Variants in TGM6 observed in about 807,000 individuals in gnomAD.
TGM6 encodes the protein transglutaminase 6.
TGM6 carries 74 observed loss-of-function variants against 77.5 expected under a neutral mutation model. The observed-to-expected ratio is 0.96, with a 90% CI of 0.79 to 1.16. The LOEUF is 1.16. TGM6 is among the 50% of genes most tolerant of loss of function. TGM6 has a pLI of 0.00. For synonymous variants in TGM6, 383 were observed against 378.9 expected, an observed-to-expected ratio of 1.01 and a Z score of -0.12; for missense variants, 968 against 940.2, an observed-to-expected ratio of 1.03 and a Z score of -0.39.
chr20:2,426,887 ATTG>A (rs1234315739), intron 10 of TGM6, among the ~76,000 whole-genome samples: 3 of 152,238 alleles, frequency 2.0e-5, no homozygotes, highest in African/African-American at 7.2e-5. Flanking sequence ...TTTTTTATAC[ATTG>A]TTAATTCAAT....
intron 7 of TGM6, among the ~76,000 whole-genome samples, chr20:2,402,021 T>G (rs914145542): frequency 4.6e-5 from 7 of 151,996 alleles, no homozygotes; most frequent in African/African-American, 1.7e-4. Flanking sequence ...GCAAATCACT[T>G]GAGGTCAGGA....
intron 3 of TGM6, 64 bp from the exon 4 acceptor site, chr20:2,396,442 C>T: frequency 6.6e-7 from 1 of 1,525,064 alleles, no homozygotes; most frequent in Non-Finnish European, 9.1e-7. Flanking sequence ...CCTGATGCAG[C>T]CCCTTCCCCA....
intron 10 of TGM6, among the ~76,000 whole-genome samples, chr20:2,428,921 T>G (rs921063719): frequency 9.2e-5 from 14 of 152,116 alleles, no homozygotes; most frequent in African/African-American, 3.4e-4. Flanking sequence ...CCTGCTAGGT[T>G]CAAGTAATTC....
chr20:2,417,765 A>G lies in TGM6; in HGVS notation c.1678+192A>G, dbSNP rs6132624. 0.18 allele frequency among the ~76,000 whole-genome samples: 27,810 copies of G among 152,054 alleles called. 2,629 individuals are homozygous for G. The highest frequency in any genetic ancestry group is 0.25 in the East Asian group (1,264 of 5,156). ...GAAAACTGAGACTCGGAGGGGCAAA[A>G]CACTAATAACAGTAATGCAAGTCCA... On this transcript the variant is annotated intron_variant, in intron 10 of 12. Transcript: ENST00000202625.
At chr20:2,408,875 G>A (rs574664980) in intron 9 of TGM6, among the ~76,000 whole-genome samples, 1 of 152,126 alleles carries the variant, frequency 6.6e-6, no homozygotes, top group African/African-American at 2.4e-5. Flanking sequence ...AAAATAACTA[G>A]TATTTCAGAT....
In TGM6 at chr20:2,395,316, G is replaced by A. The variant is rs150088385; in HGVS notation, c.304G>A (p.Ala102Thr). The A allele has an allele frequency of 4.2e-5, 67 of 1,614,218 alleles. No homozygotes were observed. The African/African-American group carries it at 7.1e-4, about 17-fold the overall frequency. ...QMEKTLTVSL[A>T]SPPSAVIGRY... is the part of the protein sequence containing the mutation. The stretch of plus-strand genomic sequence containing the variant: ...GGAGAAAACTCTGACCGTCAGTCTC[G>A]CCAGCCCTCCCAGTGCTGTCATTGG... The change falls in exon 3 of 13, where the codon GCC becomes ACC. Residue 102 changes from alanine (A) to threonine (T), a missense_variant. Ala to Thr is a moderately conservative substitution (Grantham distance 58, BLOSUM62 0). Transcript: ENST00000202625.
chr20:2,398,556 T>C (rs1224362140), intron 5 of TGM6, among the ~76,000 whole-genome samples: 1 of 152,104 alleles, frequency 6.6e-6, no homozygotes, highest in Non-Finnish European at 1.5e-5. Flanking sequence ...TGCATAGCAA[T>C]GGCTCCCCAC....
chr20:2,421,771 T>C (rs2084857741), intron 10 of TGM6, among the ~76,000 whole-genome samples: 1 of 152,208 alleles, frequency 6.6e-6, no homozygotes, highest in Non-Finnish European at 1.5e-5. Flanking sequence ...GTGCAGAGTT[T>C]TTAGTTTTAA....
intron 1 of TGM6, among the ~76,000 whole-genome samples, chr20:2,381,429 A>T (rs1298526678): frequency 6.6e-6 from 1 of 152,208 alleles, no homozygotes; most frequent in Non-Finnish European, 1.5e-5. Flanking sequence ...TGAGGGCAAG[A>T]GCAGCTCTGG....
At chr20:2,393,763 G>A (rs1206737609) in intron 1 of TGM6, among the ~76,000 whole-genome samples, 4 of 152,028 alleles carry the variant, frequency 2.6e-5, no homozygotes, top group Non-Finnish European at 5.9e-5. Flanking sequence ...CTGAGCTTAG[G>A]CAATCCGCCC....
chr20:2,402,758 T>C (rs1439028704), intron 7 of TGM6, among the ~76,000 whole-genome samples: 1 of 152,170 alleles, frequency 6.6e-6, no homozygotes, highest in African/African-American at 2.4e-5. Context: ...GAATTAAAAA[T>C]AAGGCTGGAA....
At position 2,398,042 on chromosome 20, in the gene TGM6, C is replaced by A. The variant is rs1245751910; in HGVS notation, c.668C>A (p.Ala223Asp). The change falls in exon 5 of 13, where the codon GCC becomes GAC. Residue 223 changes from alanine (A) to aspartate (D), a missense_variant. Coordinates refer to ENST00000202625, the MANE Select transcript of TGM6 (RefSeq NM_198994.3). The part of the protein sequence containing the change: ...NPIYVTRVIS[A>D]MVNSNNDRGV... ...ATCTACGTCACCAGGGTCATCAGTGCCATGGTGAGAAGCCCCTCCATCCCT... is the reference window on the plus strand; with the variant it reads ...ATCTACGTCACCAGGGTCATCAGTGACATGGTGAGAAGCCCCTCCATCCCT... 2 of 1,614,112 alleles carry A rather than the reference C, an allele frequency of 1.2e-6. No individual in the cohort carries two copies. Among genetic ancestry groups the A allele is most frequent in the Non-Finnish European group, 1.7e-6 (2 of 1,180,012 alleles).
chr20:2,402,500 C>G (rs139052305), intron 7 of TGM6, among the ~76,000 whole-genome samples: 1 of 152,188 alleles, frequency 6.6e-6, no homozygotes, highest in Non-Finnish European at 1.5e-5. Context: ...AGCACAGACA[C>G]TTCATTTTGA....
At chr20:2,384,023 C>T (rs1376308887) in intron 1 of TGM6, among the ~76,000 whole-genome samples, 2 of 149,318 alleles carry the variant, frequency 1.3e-5, no homozygotes, top group Non-Finnish European at 3.0e-5. Flanking sequence ...AGGAGAATGG[C>T]ATGAACCCGG....
chr20:2,388,391 T>C lies in TGM6; in HGVS notation c.8-6061T>C, dbSNP rs570492300. 1.7e-3 allele frequency among the ~76,000 whole-genome samples: 257 copies of C among 152,242 alleles called. 1 individual carries two copies. Among genetic ancestry groups the C allele is most frequent in the Non-Finnish European group, 2.5e-3 (170 of 68,020 alleles). ...TGTAACTTCTAGGCTGTGACTCCTA[T>C]GGGGTCAAAGATAAAGGCACCATAG... is the stretch of plus-strand genomic sequence containing the variant. On this transcript the variant is annotated intron_variant, in intron 1 of 12. Transcript: ENST00000202625.
At chr20:2,422,378 A>G (rs1039433329) in intron 10 of TGM6, among the ~76,000 whole-genome samples, 3 of 152,086 alleles carry the variant, frequency 2.0e-5, no homozygotes, top group African/African-American at 7.2e-5. Context: ...TCAACTGACT[A>G]TGTTTGTGCA....
intron 10 of TGM6, among the ~76,000 whole-genome samples, chr20:2,427,033 C>CTCT (rs2084892520): frequency 6.6e-6 from 1 of 152,064 alleles, no homozygotes; most frequent in African/African-American, 2.4e-5. Flanking sequence ...GGAAGTATTT[C>CTCT]TCTGCTTCCA....
chr20:2,407,313 T>C (rs1270877427), intron 9 of TGM6, among the ~76,000 whole-genome samples: 1 of 152,232 alleles, frequency 6.6e-6, no homozygotes, highest in Non-Finnish European at 1.5e-5. Context: ...TTTCATTTAA[T>C]ATTTATTTTA....
At chr20:2,429,093 G>A (rs1352233365) in intron 10 of TGM6, among the ~76,000 whole-genome samples, 1 of 152,156 alleles carries the variant, frequency 6.6e-6, no homozygotes, top group Non-Finnish European at 1.5e-5. Flanking sequence ...CCAAAGTGCT[G>A]GGATTACAGG....
Sources: allele counts gnomAD v4.1 joint callset (sites outside exome capture counted in the v4.1 genomes callset), GRCh38; gene constraint gnomAD v4.1.1; transcripts MANE v1.5; gene names NCBI Gene and HGNC (gene_info 2026-07-23, HGNC 2026-07-21).